Variants in OTUD3 observed in about 807,000 individuals in gnomAD.
OTUD3 encodes OTU domain-containing protein 3.
A neutral mutation model predicts 46.2 loss-of-function variants in OTUD3; 24 were observed. The ratio of observed to expected loss-of-function variants is 0.52; its 90% CI spans 0.38 to 0.73. The LOEUF is 0.73. Ranked by LOEUF, OTUD3 falls within the 30% of genes least tolerant of loss-of-function variation. The pLI, the probability that OTUD3 is intolerant of heterozygous loss-of-function variation, is 0.00. For missense variants in OTUD3, 455 were observed against 523.3 expected (o/e 0.87, Z 1.27); for synonymous variants, 189 against 195.4 (o/e 0.97, Z 0.27).
Position 19,882,424 on chromosome 1 carries a change from C to T in OTUD3, c.-90C>T, listed in dbSNP as rs963877635. 12 of 1,299,908 alleles carry T rather than the reference C, an allele frequency of 9.2e-6. No individual in the cohort carries two copies. The highest frequency in any genetic ancestry group is 2.9e-4 in the Middle Eastern group (1 of 3,408). 80.5% of individuals were successfully genotyped at this position (1,299,908 alleles called of 1,614,324 possible). On this transcript the variant is annotated 5_prime_UTR_variant, in exon 1 of 8. Coordinates refer to ENST00000375120, the MANE Select transcript of OTUD3 (RefSeq NM_015207.2). ...CGTAGTCGTCGCCGGGCTCCGTTGC[C>T]CGCGCTGTTTTACCTTCCCAACGCT...
chr1:19,897,120 A>AAATTGTCAAATTACGTTCTAACAAG (rs2045527710), intron 3 of OTUD3, among the ~76,000 whole-genome samples: 1 of 152,076 alleles, frequency 6.6e-6, no homozygotes, highest in East Asian at 1.9e-4. Flanking sequence ...TTATATTTAT[A>AAATTGTCAAATTACGTTCTAACAAG]ATTTTGCATT....
At chr1:19,888,935 G>C (rs1257870051) in intron 1 of OTUD3, among the ~76,000 whole-genome samples, 1 of 152,182 alleles carries the variant, frequency 6.6e-6, no homozygotes, top group East Asian at 1.9e-4. Flanking sequence ...GTTATTAAAA[G>C]TTCCTAGCAA....
intron 6 of OTUD3, 150 bp from the exon 7 acceptor site, chr1:19,906,282 C>T (rs952665670): frequency 5.3e-6 from 3 of 566,646 alleles, no homozygotes; most frequent in African/African-American, 3.8e-5. Flanking sequence ...CCTATGTTTC[C>T]CACTGTCTTG....
rs1404828888 is a variant in OTUD3, at chr1:19,910,918, A to C, written c.*3172A>C. On this transcript the variant is annotated 3_prime_UTR_variant, in exon 8 of 8. Coordinates refer to ENST00000375120, the MANE Select transcript of OTUD3 (RefSeq NM_015207.2). The stretch of plus-strand genomic sequence containing the variant: ...GACTTCAGCGCTGAACTGTACTAGT[A>C]GTGAGTCCCTGTAGTCAATGTGCAA... 3 of 152,384 alleles carry C rather than the reference A, an allele frequency of 2.0e-5. No individual in the cohort carries two copies. Among genetic ancestry groups the C allele is most frequent in the Admixed American group, 6.5e-5 (1 of 15,280 alleles). 9.4% of individuals were successfully genotyped at this position (152,384 alleles called of 1,614,324 possible). A position where few individuals can be genotyped will look rare whatever the true frequency, so the allele number is the denominator to read the frequency against.
chr1:19,901,841 G>T (rs766382577), intron 4 of OTUD3, among the ~76,000 whole-genome samples: 2 of 152,164 alleles, frequency 1.3e-5, no homozygotes, highest in Non-Finnish European at 2.9e-5. Context: ...GCATGTATCA[G>T]TACTTCATTC....
At chr1:19,886,398 A>G (rs116771938) in intron 1 of OTUD3, among the ~76,000 whole-genome samples, 2,521 of 152,324 alleles carry the variant, frequency 0.017, 74 homozygotes, top group African/African-American at 0.056. Context: ...TTGCAGGATC[A>G]CAGTAGTAGA....
rs567119329 is a variant in OTUD3, at chr1:19,910,943, A to G, written c.*3197A>G. 2 of 152,414 alleles carry G rather than the reference A, an allele frequency of 1.3e-5. No individual in the cohort carries two copies. The highest frequency in any genetic ancestry group is 1.9e-4 in the East Asian group (1 of 5,318). 9.4% of individuals were successfully genotyped at this position (152,414 alleles called of 1,614,324 possible). A position where few individuals can be genotyped will look rare whatever the true frequency, so the allele number is the denominator to read the frequency against. On this transcript the variant is annotated 3_prime_UTR_variant, in exon 8 of 8. Coordinates refer to ENST00000375120, the MANE Select transcript of OTUD3 (RefSeq NM_015207.2). Reference sequence around the variant, plus strand: ...AGTGAGTCCCTGTAGTCAATGTGCAATTTCTCTAATTCTGAGAAACTCTGT... The same window carrying G: ...AGTGAGTCCCTGTAGTCAATGTGCAGTTTCTCTAATTCTGAGAAACTCTGT...
intron 1 of OTUD3, among the ~76,000 whole-genome samples, chr1:19,883,761 A>G (rs191859373): frequency 3.3e-5 from 5 of 152,334 alleles, no homozygotes; most frequent in African/African-American, 1.2e-4. Context: ...GATTACAGGC[A>G]TGAGCTACCA....
intron 1 of OTUD3, among the ~76,000 whole-genome samples, chr1:19,883,312 C>T (rs1276848118): frequency 6.6e-6 from 1 of 152,136 alleles, no homozygotes; most frequent in African/African-American, 2.4e-5. Context: ...CCCAAGCTTT[C>T]TTGGGACTTA....
chr1:19,899,236 A>G (rs2045556653), intron 4 of OTUD3, among the ~76,000 whole-genome samples: 1 of 152,236 alleles, frequency 6.6e-6, no homozygotes, highest in African/African-American at 2.4e-5. Flanking sequence ...GGATGCAATC[A>G]GTGGTATTAG....
In OTUD3 at chr1:19,900,085, G is replaced by C. The variant is rs547730971; in HGVS notation, c.606+2423G>C. On this transcript the variant is annotated intron_variant, in intron 4 of 7. Transcript: ENST00000375120. ...TTTAGATTTTTACATAGTTAAATTT[G>C]TTACGATTTTCTTATATGCCCTTTG... 2.6e-5 allele frequency among the ~76,000 whole-genome samples: 4 copies of C among 152,072 alleles called. No individual in the cohort carries two copies. The South Asian group carries it at 8.3e-4, about 32-fold the overall frequency.
At chr1:19,889,306 A>G (rs1418366043) in intron 1 of OTUD3, among the ~76,000 whole-genome samples, 1 of 151,712 alleles carries the variant, frequency 6.6e-6, no homozygotes, top group Non-Finnish European at 1.5e-5. Flanking sequence ...AAAAAAAAGT[A>G]TATATTCTTA....
chr1:19,894,092 A>G (rs1010072026), intron 2 of OTUD3, among the ~76,000 whole-genome samples: 1 of 152,256 alleles, frequency 6.6e-6, no homozygotes, highest in Non-Finnish European at 1.5e-5. Flanking sequence ...TTATGTTTCT[A>G]GTGCCTTTTA....
chr1:19,883,614 A>C (rs2045307501), intron 1 of OTUD3, among the ~76,000 whole-genome samples: 1 of 152,190 alleles, frequency 6.6e-6, no homozygotes, highest in South Asian at 2.1e-4. Flanking sequence ...CTAAAATGAA[A>C]TTAAAGACCA....
chr1:19,887,082 CT>C (rs35763768), intron 1 of OTUD3, among the ~76,000 whole-genome samples: 56,872 of 133,088 alleles, frequency 0.43, 11,003 homozygotes, highest in Admixed American at 0.46. Context: ...TTTTCTTTTT[CT>C]TTTTTTTTTT....
In OTUD3 at chr1:19,906,266, T is replaced by C. The variant is rs187627703; in HGVS notation, c.836-166T>C. On this transcript the variant is annotated intron_variant, in intron 6 of 7. Coordinates refer to ENST00000375120, the MANE Select transcript of OTUD3 (RefSeq NM_015207.2). Reference sequence around the variant, plus strand: ...TTTATCTTCCAACTTTTACCAACTTTTTCTTCCTATGTTTCCCACTGTCTT... The same window carrying C: ...TTTATCTTCCAACTTTTACCAACTTCTTCTTCCTATGTTTCCCACTGTCTT... 5.1e-4 allele frequency among the ~76,000 whole-genome samples: 78 copies of C among 152,358 alleles called. No homozygotes were observed. The East Asian group carries it at 8.7e-3, about 17-fold the overall frequency.
rs12564437 is a variant in OTUD3 at position 19,885,035 on chromosome 1, A to G, written c.221+2301A>G. ...TGCTCTGATTGGGTCATGAAGGACC[A>G]ATAGGAGTACACCAAGAGAACGGTC... On this transcript the variant is annotated intron_variant, in intron 1 of 7. Coordinates refer to ENST00000375120, the MANE Select transcript of OTUD3 (RefSeq NM_015207.2). Among the ~76,000 whole-genome samples the G allele has an allele frequency of 1.1e-4, 17 of 152,310 alleles. No individual in the cohort carries two copies. The East Asian group carries it at 2.9e-3, about 26-fold the overall frequency.
At chr1:19,889,923 A>G (rs1055542099) in intron 1 of OTUD3, among the ~76,000 whole-genome samples, 3 of 152,174 alleles carry the variant, frequency 2.0e-5, no homozygotes, top group South Asian at 2.1e-4. Context: ...TTTGGGTACT[A>G]TTTGTTAAAT....
Position 19,907,773 on chromosome 1 carries a change from A to C in OTUD3, c.*27A>C, listed in dbSNP as rs1571187509. ...TCTTTGGCCTCTTGGGAGTTGTAAG[A>C]AGCGGCTGGAAAAGGATTGCTGTGT... On this transcript the variant is annotated 3_prime_UTR_variant, in exon 8 of 8. Coordinates refer to ENST00000375120, the MANE Select transcript of OTUD3 (RefSeq NM_015207.2). The C allele has an allele frequency of 6.2e-7, 1 of 1,608,820 alleles. No homozygotes were observed. Among genetic ancestry groups the C allele is most frequent in the African/African-American group, 1.3e-5 (1 of 74,968 alleles).
Sources: gnomAD v4.1 joint callset for allele counts (sites outside exome capture counted in the v4.1 genomes callset) on GRCh38, gnomAD v4.1.1 for gene constraint, MANE v1.5 for transcripts, NCBI Gene and HGNC (gene_info 2026-07-23, HGNC 2026-07-21) for gene names.